The following PTPN3 variants were observed in gnomAD, a reference collection of about 807,000 sequenced individuals.
PTPN3 encodes tyrosine-protein phosphatase non-receptor type 3.
In PTPN3, 96 loss-of-function variants were observed where a neutral mutation model predicts 132.7. The observed-to-expected ratio is 0.72, with a 90% CI of 0.61 to 0.86. The LOEUF (loss-of-function observed/expected upper bound fraction) is 0.86. PTPN3 is among the 40% of genes least tolerant of loss of function. PTPN3 has a pLI of 0.00. For missense variants in PTPN3, 1,125 were observed against 1,159.6 expected, an observed-to-expected ratio of 0.97 and a Z score of 0.43; for synonymous variants, 398 against 429.0, an observed-to-expected ratio of 0.93 and a Z score of 0.89.
chr9:109,467,550 T>A (rs1384821669), intron 1 of PTPN3, among the ~76,000 whole-genome samples: 1 of 152,216 alleles, frequency 6.6e-6, no homozygotes, highest in African/African-American at 2.4e-5. Context: ...CCATGCACTA[T>A]GTGGATGAAT....
At chr9:109,381,041 G>A (rs1193896322) in intron 25 of PTPN3, among the ~76,000 whole-genome samples, 2 of 152,126 alleles carry the variant, frequency 1.3e-5, no homozygotes, top group Admixed American at 1.3e-4. Context: ...ATGAATGTGG[G>A]ATGGTCCCCA....
chr9:109,494,802 G>A lies in PTPN3; in HGVS notation c.-18+3417C>T, dbSNP rs144138212. Among the ~76,000 whole-genome samples, 453 of 152,170 alleles carry A rather than the reference G, an allele frequency of 3.0e-3. 2 individuals are homozygous for A. The highest frequency in any genetic ancestry group is 9.7e-3 in the African/African-American group (404 of 41,494). Reference sequence around the variant, plus strand: ...AATCCTTCCAAGGCAGGGGTTCAGCGTTCACCTCTGTAGCCCTATGGCCTA... The same window carrying A: ...AATCCTTCCAAGGCAGGGGTTCAGCATTCACCTCTGTAGCCCTATGGCCTA... On this transcript the variant is annotated intron_variant, in intron 1 of 25. Coordinates refer to ENST00000374541, the MANE Select transcript of PTPN3 (RefSeq NM_002829.4).
chr9:109,457,321 G>T lies in PTPN3; in HGVS notation c.217C>A (p.Gln73Lys). The T allele has an allele frequency of 1.2e-6, 2 of 1,614,206 alleles. No individual in the cohort carries two copies. The highest frequency in any genetic ancestry group is 1.7e-6 in the Non-Finnish European group (2 of 1,180,028). ...GAGTCCACGGAGTCGTCATCATGCT[G>T]TAAACCAAAATATTCCTTTTCAGTC... Reference protein sequence around the residue: ...GVTEKEYFGLQHDDDSVDSPR... With the variant: ...GVTEKEYFGLKHDDDSVDSPR... The change falls in exon 3 of 26, where the codon CAG (glutamine) becomes AAG (lysine). Residue 73 changes from glutamine to lysine, a missense_variant. Transcript: ENST00000374541.
At chr9:109,413,807 C>T (rs1265949445) in intron 14 of PTPN3, among the ~76,000 whole-genome samples, 1 of 152,098 alleles carries the variant, frequency 6.6e-6, no homozygotes, top group Non-Finnish European at 1.5e-5. Flanking sequence ...TATTCACCCT[C>T]CAGAAAACAC....
intron 23 of PTPN3, chr9:109,383,186 G>C (rs149145203): frequency 1.7e-6 from 1 of 596,868 alleles, no homozygotes; most frequent in South Asian, 1.9e-5. Flanking sequence ...GACAGACCAC[G>C]TGCTGTTTAT....
At chr9:109,381,919 C>T (rs1839132462) in intron 24 of PTPN3, 132 bp from the exon 25 acceptor site, 6 of 1,071,712 alleles carry the variant, frequency 5.6e-6, no homozygotes, top group East Asian at 2.6e-5. Flanking sequence ...CGCACACTCA[C>T]GGCGTGCTCT....
intron 1 of PTPN3, among the ~76,000 whole-genome samples, chr9:109,466,423 AG>A (rs1031864231): frequency 5.3e-5 from 8 of 152,200 alleles, no homozygotes; most frequent in Non-Finnish European, 1.5e-5. Flanking sequence ...GGACTGTTTG[AG>A]CCCAGGCATT....
At chr9:109,393,382 G>GCCTTTTTTTTTTTTTTTTTTT (rs1840293122) in intron 19 of PTPN3, among the ~76,000 whole-genome samples, 1 of 132,062 alleles carries the variant, frequency 7.6e-6, no homozygotes, top group Non-Finnish European at 1.6e-5. Flanking sequence ...GGTTTTTTTT[G>GCCTTTTTTTTTTTTTTTTTTT]TCTTTTTTTT....
chr9:109,407,751 C>A (rs1370606403), intron 17 of PTPN3, among the ~76,000 whole-genome samples: 1 of 152,140 alleles, frequency 6.6e-6, no homozygotes, highest in Non-Finnish European at 1.5e-5. Flanking sequence ...ACCCTGTTGG[C>A]CAGGCAGGTT....
chr9:109,521,495 G>A, the PTPN3 span, among the ~76,000 whole-genome samples: 1 of 152,132 alleles, frequency 6.6e-6, no homozygotes, highest in South Asian at 2.1e-4. Flanking sequence ...GTTTCAGTAA[G>A]GTTCCCTCTG....
intron 1 of PTPN3, among the ~76,000 whole-genome samples, chr9:109,469,082 T>G (rs1225842618): frequency 6.6e-6 from 1 of 152,208 alleles, no homozygotes; most frequent in Admixed American, 6.5e-5. Flanking sequence ...TGCCACACCC[T>G]GGGCCCATGA....
intron 19 of PTPN3, among the ~76,000 whole-genome samples, chr9:109,395,926 G>A (rs1840564069): frequency 1.5e-5 from 2 of 137,778 alleles, no homozygotes; most frequent in East Asian, 2.3e-4. Context: ...GTGTGATCTC[G>A]GCTCACTGCA....
intron 7 of PTPN3, among the ~76,000 whole-genome samples, 193 bp from the exon 8 acceptor site, chr9:109,438,427 A>G (rs546852657): frequency 6.6e-6 from 1 of 152,332 alleles, no homozygotes; most frequent in South Asian, 2.1e-4. Context: ...CTATAGGCTA[A>G]GATACTATCA....
chr9:109,517,562 C>G, the PTPN3 span, among the ~76,000 whole-genome samples: 2 of 152,100 alleles, frequency 1.3e-5, no homozygotes, highest in East Asian at 1.9e-4. Flanking sequence ...CTATGGATTC[C>G]CAAGCCTCAT....
intron 1 of PTPN3, among the ~76,000 whole-genome samples, chr9:109,494,484 T>C (rs1847596140): frequency 6.6e-6 from 1 of 152,214 alleles, no homozygotes; most frequent in Non-Finnish European, 1.5e-5. Context: ...TCACCACGCC[T>C]ATGATCCACA....
chr9:109,502,073 A>G (rs1222328190), upstream of PTPN3, among the ~76,000 whole-genome samples: 1 of 152,262 alleles, frequency 6.6e-6, no homozygotes, highest in Non-Finnish European at 1.5e-5. Context: ...AAGATACGCT[A>G]CAAACTGAAT....
chr9:109,427,590 A>G (rs1351690492), intron 11 of PTPN3, among the ~76,000 whole-genome samples: 1 of 152,222 alleles, frequency 6.6e-6, no homozygotes, highest in African/African-American at 2.4e-5. Flanking sequence ...CATATGTAAT[A>G]ATCATTTTAA....
the PTPN3 span, among the ~76,000 whole-genome samples, chr9:109,504,671 A>G: frequency 6.6e-6 from 1 of 152,178 alleles, no homozygotes. Context: ...ACACTGTAAA[A>G]CTGACAGAGG....
chr9:109,461,585 G>A lies in PTPN3; in HGVS notation c.138+1712C>T, dbSNP rs372186396. On this transcript the variant is annotated intron_variant, in intron 2 of 25. Coordinates refer to ENST00000374541, the MANE Select transcript of PTPN3 (RefSeq NM_002829.4). ...AGCCTGGACAAGTTAGTGAGACCTC[G>A]TTTCTACAAAAAAATAAAAAAATTA... 2.1e-4 allele frequency among the ~76,000 whole-genome samples: 32 copies of A among 152,084 alleles called. No homozygotes were observed. In the South Asian group the frequency reaches 5.8e-3, roughly 28 times the overall value.
Sources: allele counts gnomAD v4.1 joint callset (sites outside exome capture counted in the v4.1 genomes callset), GRCh38; gene constraint gnomAD v4.1.1; transcripts MANE v1.5; gene names NCBI Gene and HGNC (gene_info 2026-07-23, HGNC 2026-07-21).